The following TBX15 variants were observed in gnomAD, a reference collection of about 807,000 sequenced individuals.
TBX15 encodes the protein T-box transcription factor TBX15.
Under a neutral mutation model 53.9 loss-of-function variants are expected in TBX15, and 18 were observed. That is an observed-to-expected ratio of 0.33 (90% CI 0.23 to 0.49). The LOEUF is 0.49. Ranked by LOEUF, TBX15 falls within the 20% of genes least tolerant of loss-of-function variation. The probability of loss-of-function intolerance (pLI) is 0.98; values close to 1 mark genes in which losing one functional copy is unlikely to be tolerated. For synonymous variants in TBX15, 295 were observed against 278.0 expected (o/e 1.06, Z -0.61); for missense variants, 692 against 749.5 (o/e 0.92, Z 0.90).
chr1:118,986,647 T>C (rs73011336), intron 1 of TBX15, among the ~76,000 whole-genome samples: 2,174 of 152,280 alleles, frequency 0.014, 50 homozygotes, highest in African/African-American at 0.049. Context: ...TGTCAGCGTG[T>C]GAAGCGGGGT....
chr1:118,931,852 G>A lies in TBX15; in HGVS notation c.206-20C>T, dbSNP rs1571185219. 2 of 1,553,356 alleles carry A rather than the reference G, an allele frequency of 1.3e-6. No individual in the cohort carries two copies. The highest frequency in any genetic ancestry group is 1.4e-5 in the African/African-American group (1 of 73,386). On this transcript the variant is annotated intron_variant, in intron 1 of 7. Transcript: ENST00000369429. Reference sequence around the variant, plus strand: ...CAGAATCTGCAAAATAAACAATCAAGCCTTAGGTGAGAAACTGCTGAGCTC... The same window carrying A: ...CAGAATCTGCAAAATAAACAATCAAACCTTAGGTGAGAAACTGCTGAGCTC...
chr1:118,917,338 T>C (rs1655272407), intron 5 of TBX15, among the ~76,000 whole-genome samples: 1 of 152,160 alleles, frequency 6.6e-6, no homozygotes, highest in Non-Finnish European at 1.5e-5. Context: ...AAACACCACA[T>C]GTTCTCTCTT....
At chr1:118,914,573 T>G (rs1370125376) in intron 5 of TBX15, among the ~76,000 whole-genome samples, 1 of 152,158 alleles carries the variant, frequency 6.6e-6, no homozygotes, top group African/African-American at 2.4e-5. Flanking sequence ...AAACAAATGA[T>G]GTGTAAGTGA....
intron 1 of TBX15, among the ~76,000 whole-genome samples, chr1:118,954,792 A>T (rs1656625947): frequency 6.6e-6 from 1 of 152,210 alleles, no homozygotes; most frequent in Non-Finnish European, 1.5e-5. Context: ...GGATTTCCCT[A>T]ATCCAAATGT....
chr1:118,912,866 G>A (rs1253401807), intron 6 of TBX15, among the ~76,000 whole-genome samples: 1 of 152,176 alleles, frequency 6.6e-6, no homozygotes, highest in Non-Finnish European at 1.5e-5. Context: ...CTAACAAGTA[G>A]TTGCTTGACC....
At chr1:118,980,829 C>T (rs1204307794) in intron 1 of TBX15, among the ~76,000 whole-genome samples, 1 of 149,186 alleles carries the variant, frequency 6.7e-6, no homozygotes, top group Non-Finnish European at 1.5e-5. Flanking sequence ...TTGACTGGTG[C>T]TTTTTTTTTT....
chr1:118,976,457 C>A (rs563108081), intron 1 of TBX15, among the ~76,000 whole-genome samples: 1 of 152,240 alleles, frequency 6.6e-6, no homozygotes, highest in South Asian at 2.1e-4. Flanking sequence ...ATTTCCTATC[C>A]GGTAAAGTCT....
chr1:118,928,368 T>C (rs539945985), intron 2 of TBX15, among the ~76,000 whole-genome samples: 1 of 152,348 alleles, frequency 6.6e-6, no homozygotes, highest in East Asian at 1.9e-4. Context: ...TCACAATTTT[T>C]ATTTAAAGGC....
At chr1:118,909,991 C>T (rs565548806) in intron 6 of TBX15, among the ~76,000 whole-genome samples, 3 of 152,292 alleles carry the variant, frequency 2.0e-5, no homozygotes, top group South Asian at 2.1e-4. Flanking sequence ...AGCCAGGGGG[C>T]TACACTCGGA....
chr1:118,927,056 A>G (rs1655624687), intron 2 of TBX15, among the ~76,000 whole-genome samples: 1 of 152,224 alleles, frequency 6.6e-6, no homozygotes, highest in African/African-American at 2.4e-5. Context: ...TACTCTAAGC[A>G]TATCAAATTC....
In TBX15 at chr1:118,923,423, G is replaced by A. The variant is rs377391020; in HGVS notation, c.861+13C>T. 6.2e-7 allele frequency: 1 copy of A among 1,613,510 alleles called. No homozygotes were observed. Among genetic ancestry groups the A allele is most frequent in the African/African-American group, 1.3e-5 (1 of 74,862 alleles). ...ACAGATGTAGCAGAAGACTCTCAAG[G>A]GCCACCTCTTACCTGCTGATTCTGA... On this transcript the variant is annotated intron_variant, in intron 5 of 7. Coordinates refer to ENST00000369429, the MANE Select transcript of TBX15 (RefSeq NM_001330677.2).
intron 1 of TBX15, among the ~76,000 whole-genome samples, chr1:118,941,179 G>T (rs923938013): frequency 1.3e-4 from 20 of 152,116 alleles, no homozygotes; most frequent in Admixed American, 1.3e-3. Flanking sequence ...TAGCACCATT[G>T]TGTATCTGCC....
At chr1:118,889,776 CTG>C (rs1654074189) in intron 7 of TBX15, among the ~76,000 whole-genome samples, 3 of 149,792 alleles carry the variant, frequency 2.0e-5, no homozygotes, top group Non-Finnish European at 4.4e-5. Context: ...GTGCTCATAA[CTG>C]TATCTGGCAC....
intron 1 of TBX15, among the ~76,000 whole-genome samples, chr1:118,954,108 T>C (rs757754554): frequency 7.2e-5 from 11 of 152,198 alleles, no homozygotes; most frequent in African/African-American, 2.7e-4. Context: ...AGCTTTCTTC[T>C]TCCCCAACAC....
At chr1:118,918,386 G>A (rs1450726952) in intron 5 of TBX15, among the ~76,000 whole-genome samples, 1 of 152,082 alleles carries the variant, frequency 6.6e-6, no homozygotes, top group Non-Finnish European at 1.5e-5. Context: ...GTGAGAGCCA[G>A]GGATCAAGAG....
At chr1:118,890,960 T>C in intron 7 of TBX15, 3 of 1,303,572 alleles carry the variant, frequency 2.3e-6, no homozygotes, top group Admixed American at 4.6e-5. Context: ...GAAGTCTTCT[T>C]TGAGGCTTTC....
At position 118,987,967 on chromosome 1, in the gene TBX15, C is replaced by T. The variant is rs1657901140; in HGVS notation, c.-172G>A. The T allele has an allele frequency of 1.3e-6, 1 of 795,184 alleles. No homozygotes were observed. Among genetic ancestry groups the T allele is most frequent in the Non-Finnish European group, 1.9e-6 (1 of 513,076 alleles). The allele number at this position is 795,184 out of a possible 1,614,324, so 49.3% of individuals were successfully genotyped here. A position where few individuals can be genotyped will look rare whatever the true frequency, so the allele number is the denominator to read the frequency against. On this transcript the variant is annotated 5_prime_UTR_variant, in exon 1 of 8. Coordinates refer to ENST00000369429, the MANE Select transcript of TBX15 (RefSeq NM_001330677.2). ...ACCCTCCCCCTGCGTCCTCCTCCGC[C>T]CTCCTCTGCCGGATCCGACCTGCGC...
intron 3 of TBX15, among the ~76,000 whole-genome samples, chr1:118,925,782 CT>C (rs1297113424): frequency 3.3e-5 from 5 of 152,176 alleles, no homozygotes; most frequent in Non-Finnish European, 7.3e-5. Context: ...TAGTCCTGGC[CT>C]TTTTCATCAG....
chr1:118,923,663 A>C, intron 4 of TBX15, 60 bp from the exon 5 acceptor site: 24 of 1,595,630 alleles, frequency 1.5e-5, no homozygotes, highest in East Asian at 2.2e-5. Context: ...TTTTGTTCTC[A>C]TGCAAAAATA....
Sources: gnomAD v4.1 joint callset for allele counts (sites outside exome capture counted in the v4.1 genomes callset) on GRCh38, gnomAD v4.1.1 for gene constraint, MANE v1.5 for transcripts, NCBI Gene and HGNC (gene_info 2026-07-23, HGNC 2026-07-21) for gene names.